Variants in GSE1 observed in about 807,000 individuals in gnomAD.
GSE1 encodes the protein genetic suppressor element 1.
GSE1 carries 32 observed loss-of-function variants against 112.6 expected under a neutral mutation model. The ratio of observed to expected loss-of-function variants is 0.28; its 90% CI spans 0.21 to 0.38. The LOEUF (loss-of-function observed/expected upper bound fraction) is 0.38. GSE1 is among the 10% of genes least tolerant of loss of function. The pLI is 1.00. For synonymous variants in GSE1, 1,115 were observed against 735.6 expected (o/e 1.52, Z -8.35); for missense variants, 2,348 against 1,699.2 (o/e 1.38, Z -6.71).
chr16:85,170,186 C>T (rs1329534747), exon 1 of GSE1: 3 of 985,218 alleles, frequency 3.0e-6, no homozygotes, highest in African/African-American at 3.5e-5. Flanking sequence ...GGACCCGCTC[C>T]GGGACAGGGC....
chr16:85,339,676 A>C (rs1443718776), intron 1 of GSE1, among the ~76,000 whole-genome samples: 1 of 151,498 alleles, frequency 6.6e-6, no homozygotes, highest in Non-Finnish European at 1.5e-5. Flanking sequence ...GGTTCTTTTT[A>C]ATCTTTCCAT....
intron 2 of GSE1, among the ~76,000 whole-genome samples, chr16:85,452,111 G>A (rs1160809946): frequency 6.6e-6 from 1 of 152,136 alleles, no homozygotes; most frequent in Non-Finnish European, 1.5e-5. Flanking sequence ...ACCCGTGTCC[G>A]GCGCGAATAA....
At position 85,620,846 on chromosome 16, in the gene GSE1, T is replaced by C. The variant is rs888385582; in HGVS notation, c.7+7448T>C. On this transcript the variant is annotated intron_variant, in intron 1 of 15. Coordinates refer to ENST00000253458, the MANE Select transcript of GSE1 (RefSeq NM_014615.5). The stretch of plus-strand genomic sequence containing the variant: ...GTTGGGGAAGCCGTGTAGATGGTCT[T>C]GGCCATGGGTGTCTGCTGTGTTGGG... Among the ~76,000 whole-genome samples the C allele has an allele frequency of 5.0e-5, 7 of 140,916 alleles. No homozygotes were observed. In the East Asian group the frequency reaches 6.4e-4, roughly 13 times the overall value. The allele number at this position is 140,916 out of a possible 152,430, so 92.4% of individuals were successfully genotyped here.
intron 2 of GSE1, chr16:85,463,063 G>A: frequency 2.0e-6 from 2 of 984,564 alleles, no homozygotes; most frequent in African/African-American, 1.7e-5. Context: ...CGGGTCCCGC[G>A]GCCCGGGGGG....
upstream of GSE1, among the ~76,000 whole-genome samples, chr16:85,609,108 G>A (rs2047848136): frequency 6.6e-6 from 1 of 152,242 alleles, no homozygotes; most frequent in Non-Finnish European, 1.5e-5. Context: ...GGCCCAGGTT[G>A]ATGCCCAGGC....
Position 85,470,620 on chromosome 16 carries a change from G to A in GSE1, c.2464+112977G>A, listed in dbSNP as rs551382245. On this transcript the variant is annotated intron_variant, in intron 2 of 2. Coordinates refer to the GSE1 transcript ENST00000637419. ...TGCTCTGCACCTCAAGGGAGCTTGG[G>A]GTCTGGGAGGGTTGTATGGGTGCCC... is the stretch of plus-strand genomic sequence containing the variant. 1.2e-4 allele frequency among the ~76,000 whole-genome samples: 19 copies of A among 152,326 alleles called. No individual in the cohort carries two copies. The South Asian group carries it at 3.9e-3, about 32-fold the overall frequency.
chr16:85,616,343 G>A (rs2048370586), intron 1 of GSE1, among the ~76,000 whole-genome samples: 1 of 152,228 alleles, frequency 6.6e-6, no homozygotes, highest in African/African-American at 2.4e-5. Flanking sequence ...TAAGCTAGAG[G>A]GCTGGCTGCT....
intron 2 of GSE1, among the ~76,000 whole-genome samples, chr16:85,400,550 G>A (rs1213786463): frequency 6.6e-6 from 1 of 151,592 alleles, no homozygotes; most frequent in Admixed American, 6.6e-5. Context: ...GTCTGTGTGT[G>A]TGTTGCGTGT....
Position 85,579,671 on chromosome 16 carries a change from A to C in GSE1, c.37+23308A>C, listed in dbSNP as rs189781693. Among the ~76,000 whole-genome samples, 283 of 152,300 alleles carry C rather than the reference A, an allele frequency of 1.9e-3. 1 individual carries two copies. The highest frequency in any genetic ancestry group is 3.4e-3 in the Middle Eastern group (1 of 294). ...GGTGCGGCCTCCCGTCTCTCTTCCT[A>C]GTCAGAGTCCTCCAAGGAGCCCCAT... On this transcript the variant is annotated intron_variant, in intron 1 of 2. Transcript: ENST00000635906.
At chr16:85,329,495 C>A (rs1298075409) in intron 1 of GSE1, among the ~76,000 whole-genome samples, 81 of 152,048 alleles carry the variant, frequency 5.3e-4, no homozygotes, top group Non-Finnish European at 2.1e-4. Context: ...GAGCCACCTG[C>A]AGGTGGACCC....
upstream of GSE1, among the ~76,000 whole-genome samples, chr16:85,607,310 GA>G (rs1254087831): frequency 6.6e-6 from 1 of 152,172 alleles, no homozygotes; most frequent in Non-Finnish European, 1.5e-5. Context: ...TTCTGATTTA[GA>G]AAAATAAAAG....
intron 1 of GSE1, among the ~76,000 whole-genome samples, chr16:85,194,011 C>T (rs1301987013): frequency 6.6e-6 from 1 of 152,194 alleles, no homozygotes; most frequent in Non-Finnish European, 1.5e-5. Context: ...GTGTAGCCTG[C>T]TTCATTTTTG....
chr16:85,481,473 A>G (rs1274114784), intron 2 of GSE1, among the ~76,000 whole-genome samples: 1 of 152,182 alleles, frequency 6.6e-6, no homozygotes, highest in African/African-American at 2.4e-5. Flanking sequence ...TCCATGTAAG[A>G]GGAACCTTGC....
intron 1 of GSE1, among the ~76,000 whole-genome samples, chr16:85,288,873 C>A (rs984520151): frequency 2.0e-5 from 3 of 152,166 alleles, no homozygotes; most frequent in African/African-American, 7.2e-5. Context: ...AATTCAGTCC[C>A]CTCTTTGCCA....
intron 2 of GSE1, among the ~76,000 whole-genome samples, chr16:85,508,996 G>T (rs1283892875): frequency 6.6e-6 from 1 of 152,188 alleles, no homozygotes; most frequent in East Asian, 1.9e-4. Flanking sequence ...GATATGTCTG[G>T]TAGGGCTGGG....
At chr16:85,437,856 G>T (rs781430600) in intron 2 of GSE1, among the ~76,000 whole-genome samples, 2 of 152,284 alleles carry the variant, frequency 1.3e-5, no homozygotes, top group Admixed American at 6.5e-5. Flanking sequence ...CCACCCTTTC[G>T]CTGTGTGGTG....
intron 1 of GSE1, among the ~76,000 whole-genome samples, chr16:85,210,828 A>T (rs887977076): frequency 1.3e-5 from 2 of 152,178 alleles, no homozygotes; most frequent in Non-Finnish European, 2.9e-5. Flanking sequence ...CATTCTTGTC[A>T]CTTGAGCTTG....
upstream of GSE1, among the ~76,000 whole-genome samples, chr16:85,612,861 C>T (rs886174741): frequency 6.6e-6 from 1 of 152,220 alleles, no homozygotes; most frequent in Non-Finnish European, 1.5e-5. Flanking sequence ...GTTCTAGGTT[C>T]CCGGGACGCA....
At chr16:85,205,815 G>A (rs1311840765) in intron 1 of GSE1, among the ~76,000 whole-genome samples, 3 of 152,194 alleles carry the variant, frequency 2.0e-5, no homozygotes, top group Non-Finnish European at 4.4e-5. Context: ...ACTGAGCCCT[G>A]GATGACCTTT....
Sources: allele counts gnomAD v4.1 joint callset (sites outside exome capture counted in the v4.1 genomes callset), GRCh38; gene constraint gnomAD v4.1.1; transcripts MANE v1.5; gene names NCBI Gene and HGNC (gene_info 2026-07-23, HGNC 2026-07-21).